IDO2: variants seen among roughly 807,000 people sequenced by gnomAD.
The protein encoded by IDO2 is indoleamine 2,3-dioxygenase 2, also known as indoleamine 2,3-dioxygenase-like 1 protein.
In IDO2, 46 loss-of-function variants were observed where a neutral mutation model predicts 45.1. The ratio of observed to expected loss-of-function variants is 1.02; its 90% confidence interval spans 0.80 to 1.30. IDO2 has a LOEUF of 1.30. IDO2 is among the 50% of genes most tolerant of loss of function. The pLI is 0.00. For synonymous variants in IDO2, 218 were observed against 184.9 expected, an observed-to-expected ratio of 1.18 and a Z score of -1.45; for missense variants, 544 against 491.8, an observed-to-expected ratio of 1.11 and a Z score of -1.00.
At chr8:39,972,101 C>A (rs954696669) in intron 3 of IDO2, among the ~76,000 whole-genome samples, 1 of 152,194 alleles carries the variant, frequency 6.6e-6, no homozygotes, top group Non-Finnish European at 1.5e-5. Flanking sequence ...TGGGCCAACA[C>A]CCCGGCTGCA....
intron 9 of IDO2, among the ~76,000 whole-genome samples, chr8:40,005,694 T>A (rs2129595368): frequency 6.6e-6 from 1 of 152,308 alleles, no homozygotes; most frequent in East Asian, 1.9e-4. Context: ...TACATCTACT[T>A]TTTCTTCTTG....
rs10098200 is a variant in IDO2 at position 39,997,233 on chromosome 8, G to A, written c.667+7395G>A. Among the ~76,000 whole-genome samples the A allele has an allele frequency of 8.4e-3, 1,276 of 152,170 alleles. 17 individuals are homozygous for A. Among genetic ancestry groups the A allele is most frequent in the African/African-American group, 0.029 (1,218 of 41,512 alleles). On this transcript the variant is annotated intron_variant, in intron 8 of 10. Transcript: ENST00000502986. ...AGCTGCTTCCTGAATTACAAAAGTG[G>A]CATGACTCAATATGAAAATAAGAAA...
intron 8 of IDO2, among the ~76,000 whole-genome samples, chr8:39,993,740 T>G (rs1801984565): frequency 6.6e-6 from 1 of 152,204 alleles, no homozygotes; most frequent in Admixed American, 6.5e-5. Context: ...CCAGACCTGG[T>G]GGCTGAAGCC....
intron 6 of IDO2, chr8:39,987,461 G>C (rs1808442583): frequency 6.2e-6 from 1 of 162,312 alleles, no homozygotes; most frequent in South Asian, 1.9e-4. Flanking sequence ...TATGACCTTG[G>C]ACAAGCTGCT....
chr8:39,935,505 A>C (rs1366904334), intron 1 of IDO2, among the ~76,000 whole-genome samples: 1 of 152,072 alleles, frequency 6.6e-6, no homozygotes, highest in Non-Finnish European at 1.5e-5. Context: ...GCTGGAGTGC[A>C]GTGGCATGAT....
chr8:39,989,277 C>T (rs953833365), intron 7 of IDO2, among the ~76,000 whole-genome samples: 1 of 152,242 alleles, frequency 6.6e-6, no homozygotes, highest in East Asian at 1.9e-4. Context: ...AATCACCTCC[C>T]ACCAGGTCCC....
At chr8:40,012,457 A>G (rs904679051) in intron 9 of IDO2, among the ~76,000 whole-genome samples, 1 of 152,230 alleles carries the variant, frequency 6.6e-6, no homozygotes, top group Non-Finnish European at 1.5e-5. Context: ...TATGAAATGA[A>G]GTATTTAAAA....
chr8:39,983,906 C>T (rs773965125), intron 5 of IDO2, among the ~76,000 whole-genome samples: 3 of 151,954 alleles, frequency 2.0e-5, no homozygotes, highest in Non-Finnish European at 4.4e-5. Flanking sequence ...GAGATTCGGC[C>T]ATCTCATCTC....
In IDO2 at chr8:39,987,726, C is replaced by T. The variant is rs115978464; in HGVS notation, c.450-145C>T. ...CCTGAATGTTGCTGAAGGTAGATGC[C>T]CATCCTCAGGGCTGTCTTACGGAGA... is the stretch of plus-strand genomic sequence containing the variant. On this transcript the variant is annotated intron_variant, in intron 6 of 10. Transcript: ENST00000502986. 892 of 575,864 alleles carry T rather than the reference C, an allele frequency of 1.5e-3. 6 individuals are homozygous for T. In the African/African-American group the frequency reaches 0.016, roughly 10 times the overall value. The allele number at this position is 575,864 out of a possible 1,614,324, so 35.7% of individuals were successfully genotyped here.
intron 3 of IDO2, among the ~76,000 whole-genome samples, chr8:39,978,296 G>C (rs1435797327): frequency 2.0e-5 from 3 of 152,210 alleles, no homozygotes; most frequent in African/African-American, 7.2e-5. Context: ...GACCACCCGG[G>C]AAGATCCAGA....
At chr8:39,953,603 C>A (rs1411740600) in intron 2 of IDO2, among the ~76,000 whole-genome samples, 5 of 152,142 alleles carry the variant, frequency 3.3e-5, no homozygotes, top group African/African-American at 1.2e-4. Flanking sequence ...CGCTTTGTCG[C>A]CCAGGCTAGA....
intron 8 of IDO2, among the ~76,000 whole-genome samples, chr8:39,999,978 C>T (rs1802109455): frequency 6.6e-6 from 1 of 152,182 alleles, no homozygotes; most frequent in Admixed American, 6.5e-5. Context: ...CCTTGTTGAA[C>T]TTCGTAAATT....
intron 10 of IDO2, 109 bp from the exon 11 acceptor site, chr8:40,015,138 G>T: frequency 4.4e-6 from 3 of 679,122 alleles, no homozygotes; most frequent in Non-Finnish European, 7.3e-6. Flanking sequence ...CTGGGCAACA[G>T]AGCAAGATCT....
intron 10 of IDO2, among the ~76,000 whole-genome samples, chr8:40,013,980 G>T (rs1314140017): frequency 6.6e-6 from 1 of 152,062 alleles, no homozygotes; most frequent in African/African-American, 2.4e-5. Context: ...CTTTGGTTTG[G>T]ATCTTTAGAC....
chr8:40,012,914 A>T (rs887442997), intron 9 of IDO2, among the ~76,000 whole-genome samples: 1 of 152,200 alleles, frequency 6.6e-6, no homozygotes, highest in Admixed American at 6.5e-5. Context: ...CATCCTTATT[A>T]TCAATACCTG....
At chr8:40,013,478 T>G in intron 9 of IDO2, 87 bp from the exon 10 acceptor site, 2 of 1,277,608 alleles carry the variant, frequency 1.6e-6, no homozygotes, top group Non-Finnish European at 2.2e-6. Flanking sequence ...CATGTTCCCT[T>G]TCTCATTCAC....
intron 8 of IDO2, among the ~76,000 whole-genome samples, chr8:40,003,749 C>G (rs1173661739): frequency 6.6e-6 from 1 of 151,912 alleles, no homozygotes; most frequent in Non-Finnish European, 1.5e-5. Flanking sequence ...TTCTTATTCT[C>G]CTGGCTAGGA....
chr8:39,981,448 C>G (rs1227430520), intron 4 of IDO2, among the ~76,000 whole-genome samples: 1 of 152,076 alleles, frequency 6.6e-6, no homozygotes, highest in Non-Finnish European at 1.5e-5. Flanking sequence ...CTCTGCAAAC[C>G]ATTATCCTAA....
intron 8 of IDO2, among the ~76,000 whole-genome samples, chr8:39,999,869 A>G (rs886418470): frequency 6.6e-6 from 1 of 152,176 alleles, no homozygotes; most frequent in Admixed American, 6.5e-5. Context: ...TTCTCCGTAA[A>G]CATTCACCAG....
Sources: allele counts gnomAD v4.1 joint callset (sites outside exome capture counted in the v4.1 genomes callset), GRCh38; gene constraint gnomAD v4.1.1; transcripts MANE v1.5; gene names NCBI Gene and HGNC (gene_info 2026-07-23, HGNC 2026-07-21).